KIF7: variants seen among roughly 807,000 people sequenced by gnomAD.
KIF7 encodes kinesin family member 7, also known as kinesin-like protein KIF7.
KIF7 carries 104 observed loss-of-function variants against 135.7 expected under a neutral mutation model. The observed-to-expected ratio is 0.77, with a 90% CI of 0.65 to 0.90. KIF7 has a LOEUF of 0.90. Ranked by LOEUF, KIF7 falls within the 40% of genes least tolerant of loss-of-function variation. The pLI, the probability that KIF7 is intolerant of heterozygous loss-of-function variation, is 0.00. For missense variants in KIF7, 2,005 were observed against 1,839.1 expected (o/e 1.09, Z -1.65); for synonymous variants, 883 against 809.4 (o/e 1.09, Z -1.54).
rs574319954 is a variant in KIF7 at position 89,630,184 on chromosome 15, C to T, written c.3318+103G>A. Reference sequence around the variant, plus strand: ...ATGAGTTGGTCCTGATTCTGTCCCCCAGTCTGGGAGGAAACGGGATATCCG... The same window carrying T: ...ATGAGTTGGTCCTGATTCTGTCCCCTAGTCTGGGAGGAAACGGGATATCCG... On this transcript the variant is annotated intron_variant, in intron 16 of 18. Coordinates refer to ENST00000394412, the MANE Select transcript of KIF7 (RefSeq NM_198525.3). The T allele has an allele frequency of 1.1e-4, 122 of 1,087,248 alleles. 2 individuals are homozygous for T. In the South Asian group the frequency reaches 1.6e-3, roughly 14 times the overall value. 67.4% of individuals were successfully genotyped at this position (1,087,248 alleles called of 1,614,324 possible).
At position 89,645,908 on chromosome 15, in the gene KIF7, G is replaced by T. The variant is rs1285010636; in HGVS notation, c.1907C>A (p.Thr636Asn). Residue 636 changes from threonine (T) to asparagine (N), a missense_variant, in exon 8 of 19, where the codon ACC becomes AAC. Transcript: ENST00000394412. The stretch of plus-strand genomic sequence containing the variant: ...TCCCACTCACCTGCGCAGGTGTAAG[G>T]TCCGCCTGGGCGGCTCCTCCTCCTC... ...EEEEEEPPRR[T>N]LHLRRNRISN... The T allele has an allele frequency of 1.7e-5, 28 of 1,613,448 alleles. No individual in the cohort carries two copies. The highest frequency in any genetic ancestry group is 2.4e-5 in the Non-Finnish European group (28 of 1,179,982).
chr15:89,619,763 T>C (rs747842359), intron 1 of KIF7: 10 of 1,614,014 alleles, frequency 6.2e-6, no homozygotes, highest in Non-Finnish European at 8.5e-6. Context: ...GCAGGACACA[T>C]TCTGCCTCCT....
chr15:89,619,699 A>C (rs1567051147), intron 1 of KIF7: 1 of 1,601,854 alleles, frequency 6.2e-7, no homozygotes, highest in East Asian at 2.2e-5. Flanking sequence ...TGTGGTTCTG[A>C]TTTTACAGAA....
chr15:89,642,357 TC>T lies in KIF7; in HGVS notation c.2239del (p.Glu747SerfsTer13). 6.2e-7 allele frequency: 1 copy of T among 1,610,114 alleles called. No individual in the cohort carries two copies. Among genetic ancestry groups the T allele is most frequent in the Non-Finnish European group, 8.5e-7 (1 of 1,178,868 alleles). ...CACCTGCTCTGCCTCCTGCTCCAGC[TC>T]CCGGATACGCTGGCTGTGCTGGCGG... The part of the protein sequence containing the change: ...LNRQHSQRIR[E>X]LEQEAEQVRA... On this transcript the variant is annotated frameshift_variant, in exon 11 of 19. Coordinates refer to ENST00000394412, the MANE Select transcript of KIF7 (RefSeq NM_198525.3). LOFTEE classifies it high-confidence loss of function.
upstream of KIF7, among the ~76,000 whole-genome samples, chr15:89,656,350 T>C (rs1338785882): frequency 6.6e-6 from 1 of 150,996 alleles, no homozygotes; most frequent in East Asian, 1.9e-4. Context: ...GGAGGTGGCC[T>C]TTTTAACTCT....
chr15:89,627,537 T>C (rs1297914258), downstream of KIF7: 1 of 161,400 alleles, frequency 6.2e-6, no homozygotes, highest in Non-Finnish European at 1.4e-5. Context: ...GAAGAGTGCA[T>C]TGGGCAGTGG....
intron 8 of KIF7, 47 bp downstream of exon 8, chr15:89,645,846 G>A (rs1339084563): frequency 1.9e-6 from 3 of 1,603,030 alleles, no homozygotes; most frequent in East Asian, 2.3e-5. Flanking sequence ...CCTAGCCCTG[G>A]GCCCTGAGCA....
intron 11 of KIF7, among the ~76,000 whole-genome samples, chr15:89,641,082 C>G (rs751781553): frequency 1.3e-5 from 2 of 152,024 alleles, no homozygotes; most frequent in Non-Finnish European, 1.5e-5. Flanking sequence ...ATATGAAAGC[C>G]CTAACCACCA....
chr15:89,632,728 A>C lies in KIF7; in HGVS notation c.2895+92T>G. ...GCTAGACCTCACCTGGCAGAAACTT[A>C]CTTGGCAGGAGCTCACCTGGCAAGA... On this transcript the variant is annotated intron_variant, in intron 14 of 18. Coordinates refer to ENST00000394412, the MANE Select transcript of KIF7 (RefSeq NM_198525.3). The C allele has an allele frequency of 2.9e-6, 4 of 1,386,102 alleles. No individual in the cohort carries two copies. In the South Asian group the frequency reaches 4.9e-5, roughly 17 times the overall value. The allele number at this position is 1,386,102 out of a possible 1,614,324, so 85.9% of individuals were successfully genotyped here. A position where few individuals can be genotyped will look rare whatever the true frequency, so the allele number is the denominator to read the frequency against.
chr15:89,641,955 C>T (rs968244476), intron 11 of KIF7, among the ~76,000 whole-genome samples: 10 of 152,096 alleles, frequency 6.6e-5, no homozygotes, highest in Middle Eastern at 3.2e-3. Flanking sequence ...TTTCTTTAGA[C>T]GCCCACCCTT....
At chr15:89,661,213 T>C in the KIF7 span, among the ~76,000 whole-genome samples, 1 of 152,230 alleles carries the variant, frequency 6.6e-6, no homozygotes, top group South Asian at 2.1e-4. Context: ...TATTTATATA[T>C]ACTCATTAAA....
chr15:89,627,224 A>C, downstream of KIF7: 1 of 1,048,700 alleles, frequency 9.5e-7, no homozygotes, highest in Non-Finnish European at 1.4e-6. Flanking sequence ...AGGGTTTTCT[A>C]ATTCCCCTTA....
chr15:89,657,459 T>G (rs1018321064), upstream of KIF7, among the ~76,000 whole-genome samples: 2 of 152,248 alleles, frequency 1.3e-5, no homozygotes, highest in Non-Finnish European at 2.9e-5. Flanking sequence ...TTCATGATTT[T>G]AGAAAGATTT....
chr15:89,626,206 C>T (rs1310394346), downstream of KIF7: 6 of 831,114 alleles, frequency 7.2e-6, no homozygotes, highest in Non-Finnish European at 1.1e-5. Context: ...TCATGTGTGC[C>T]CTTCCCAGAG....
chr15:89,625,556 A>G (rs1485978590), downstream of KIF7: 2 of 1,613,220 alleles, frequency 1.2e-6, no homozygotes, highest in Non-Finnish European at 1.7e-6. Flanking sequence ...CTCCCAGACC[A>G]GTCGCCTCCC....
chr15:89,628,333 G>T lies in KIF7; in HGVS notation c.*86C>A, dbSNP rs757658297. 5 of 1,502,102 alleles carry T rather than the reference G, an allele frequency of 3.3e-6. No individual in the cohort carries two copies. Among genetic ancestry groups the T allele is most frequent in the South Asian group, 1.3e-5 (1 of 76,132 alleles). The allele number at this position is 1,502,102 out of a possible 1,614,324, so 93.0% of individuals were successfully genotyped here. A position where few individuals can be genotyped will look rare whatever the true frequency, so the allele number is the denominator to read the frequency against. ...GCCTGGATTTAGGGTGTGCGGTAAG[G>T]ACTGCCCTTCACAGAAGCAAAACAG... On this transcript the variant is annotated 3_prime_UTR_variant, in exon 19 of 19. Coordinates refer to ENST00000394412, the MANE Select transcript of KIF7 (RefSeq NM_198525.3).
chr15:89,632,812 G>A lies in KIF7; in HGVS notation c.2895+8C>T, dbSNP rs537333815. 7 of 1,601,492 alleles carry A rather than the reference G, an allele frequency of 4.4e-6. No individual in the cohort carries two copies. The African/African-American group carries it at 8.0e-5, about 18-fold the overall frequency. ...CACCTGGCAGGATCTCTCCTGGCAG[G>A]GCCTCACCTGGCTGGATCTCAGGCG... On this transcript the variant is annotated splice_region_variant and intron_variant, in intron 14 of 18. Coordinates refer to ENST00000394412, the MANE Select transcript of KIF7 (RefSeq NM_198525.3).
intron 14 of KIF7, among the ~76,000 whole-genome samples, 166 bp from the exon 15 acceptor site, chr15:89,631,876 G>C (rs906811621): frequency 2.6e-5 from 4 of 152,232 alleles, no homozygotes; most frequent in African/African-American, 7.2e-5. Context: ...GAGACTCCAG[G>C]AGGCGGGGCT....
chr15:89,628,600 C>T lies in KIF7; in HGVS notation c.3851G>A (p.Gly1284Asp). 6.2e-7 allele frequency: 1 copy of T among 1,613,550 alleles called. No homozygotes were observed. Among genetic ancestry groups the T allele is most frequent in the Non-Finnish European group, 8.5e-7 (1 of 1,180,022 alleles). Residue 1284 changes from glycine (G) to aspartate (D), a missense_variant, in exon 19 of 19, where the codon GGT becomes GAT. Gly to Asp is a moderately conservative substitution (Grantham distance 94). Transcript: ENST00000394412. ...TTCCTCGGGGGACCCCTGCTCCTCA[C>T]CACACAGGCTCGAGCGTTTCCAGGT... ...PLTWKRSSLCGEEQGSPEELR... is the reference protein window; with the variant it reads ...PLTWKRSSLCDEEQGSPEELR...
Sources: gnomAD v4.1 joint callset for allele counts (sites outside exome capture counted in the v4.1 genomes callset) on GRCh38, gnomAD v4.1.1 for gene constraint, MANE v1.5 for transcripts, NCBI Gene and HGNC (gene_info 2026-07-23, HGNC 2026-07-21) for gene names.